The following HLCS variants were observed in gnomAD, a reference collection of about 807,000 sequenced individuals.
HLCS encodes the protein biotin--protein ligase.
HLCS carries 53 observed loss-of-function variants against 75.0 expected under a neutral mutation model. The observed-to-expected ratio is 0.71, with a 90% CI of 0.57 to 0.89. HLCS has a LOEUF of 0.89. Among genes scored for constraint, HLCS ranks in the 40% least tolerant of loss-of-function variants. HLCS has a pLI of 0.00. For missense variants in HLCS, 966 were observed against 1,074.0 expected (o/e 0.90, Z 1.41); for synonymous variants, 431 against 428.6 (o/e 1.01, Z -0.07).
chr21:36,907,342 T>G (rs535446330), intron 5 of HLCS, among the ~76,000 whole-genome samples: 1 of 152,270 alleles, frequency 6.6e-6, no homozygotes, highest in South Asian at 2.1e-4. Flanking sequence ...ATTAAGAATA[T>G]TAACAACTGC....
chr21:36,962,143 G>C lies in HLCS; in HGVS notation c.223C>G (p.Leu75Val). Residue 75 changes from leucine to valine, a missense_variant, in exon 2 of 11, where the codon CTA becomes GTA. Physicochemically the swap from Leu to Val is conservative, Grantham distance 32. Transcript: ENST00000674895. Reference protein sequence around the residue: ...QSIEDLNKWALFLVSPFILEA... With the variant: ...QSIEDLNKWAVFLVSPFILEA... Reference sequence around the variant, plus strand: ...AGTATAAAAGGAGACACAAGAAATAGGGCCCACTTGTTCAAGTCTTCAATG... The same window carrying C: ...AGTATAAAAGGAGACACAAGAAATACGGCCCACTTGTTCAAGTCTTCAATG... 4 of 1,288,664 alleles carry C rather than the reference G, an allele frequency of 3.1e-6. No homozygotes were observed. Among genetic ancestry groups the C allele is most frequent in the Non-Finnish European group, 4.0e-6 (4 of 987,948 alleles). 79.8% of individuals were successfully genotyped at this position (1,288,664 alleles called of 1,614,324 possible).
intron 7 of HLCS, among the ~76,000 whole-genome samples, chr21:36,766,065 G>A (rs745500491): frequency 6.6e-6 from 1 of 152,064 alleles, no homozygotes; most frequent in Non-Finnish European, 1.5e-5. Flanking sequence ...TTTGAGACAG[G>A]GTCTTGCTCT....
intron 6 of HLCS, among the ~76,000 whole-genome samples, chr21:36,771,001 C>T (rs8128357): frequency 0.12 from 18,527 of 151,906 alleles, 2,145 homozygotes; most frequent in African/African-American, 0.3. Context: ...AGGCGGATCA[C>T]GAGGTCAGGA....
chr21:36,916,840 T>C (rs2065954955), intron 5 of HLCS, among the ~76,000 whole-genome samples: 1 of 151,996 alleles, frequency 6.6e-6, no homozygotes, highest in Non-Finnish European at 1.5e-5. Flanking sequence ...ATAAAACAAA[T>C]ACTCCCCGGG....
Position 36,910,267 on chromosome 21 carries a change from G to A in HLCS, c.1621-13136C>T, listed in dbSNP as rs146570299. ...AATCAAAAGATGGCACTCCTGGGCC[G>A]GGCGCAGTGGCTAATGCCTGTAATC... On this transcript the variant is annotated intron_variant, in intron 5 of 10. Coordinates refer to ENST00000674895, the MANE Select transcript of HLCS (RefSeq NM_001352514.2). 7.4e-3 allele frequency among the ~76,000 whole-genome samples: 1,124 copies of A among 152,312 alleles called. 8 individuals are homozygous for A. The highest frequency in any genetic ancestry group is 0.013 in the Non-Finnish European group (876 of 68,026).
At position 36,752,160 on chromosome 21, in the gene HLCS, G is replaced by C. The variant is rs565293984; in HGVS notation, c.*2086C>G. 6.5e-6 allele frequency: 1 copy of C among 152,772 alleles called. No homozygotes were observed. Among genetic ancestry groups the C allele is most frequent in the South Asian group, 2.1e-4 (1 of 4,830 alleles). The allele number at this position is 152,772 out of a possible 1,614,324, so 9.5% of individuals were successfully genotyped here. A position where few individuals can be genotyped will look rare whatever the true frequency, so the allele number is the denominator to read the frequency against. ...TGGAAAACGCAGCATCTGCTTCAAG[G>C]CTGCTTCATCTCTCTCAGGACAACT... On this transcript the variant is annotated 3_prime_UTR_variant, in exon 11 of 11. Coordinates refer to ENST00000674895, the MANE Select transcript of HLCS (RefSeq NM_001352514.2).
At chr21:36,767,086 G>A in intron 7 of HLCS, 132 bp downstream of exon 7, 1 of 844,698 alleles carries the variant, frequency 1.2e-6, no homozygotes, top group African/African-American at 1.7e-5. Flanking sequence ...ATTCCAGGCG[G>A]TTATGAAAAC....
chr21:36,885,235 G>A (rs947604404), intron 6 of HLCS, among the ~76,000 whole-genome samples: 4 of 152,144 alleles, frequency 2.6e-5, no homozygotes, highest in Admixed American at 2.0e-4. Flanking sequence ...CACCAGGCAC[G>A]GTGGCTCATG....
intron 6 of HLCS, chr21:36,896,448 T>A (rs1221385977): frequency 3.7e-6 from 1 of 269,930 alleles, no homozygotes. Context: ...ACAGCTTAGG[T>A]GTCATTCAAA....
chr21:36,888,411 C>G (rs578039102), intron 6 of HLCS, among the ~76,000 whole-genome samples: 1 of 129,406 alleles, frequency 7.7e-6, no homozygotes, highest in South Asian at 2.6e-4. Context: ...CTCCCCAATG[C>G]GATCCTGCCC....
At chr21:36,813,300 G>A (rs570276370) in intron 6 of HLCS, among the ~76,000 whole-genome samples, 5 of 152,206 alleles carry the variant, frequency 3.3e-5, no homozygotes, top group East Asian at 3.9e-4. Flanking sequence ...TTTCTTCCAC[G>A]TCATAATTTC....
At chr21:36,754,526 G>C in intron 10 of HLCS, 109 bp from the exon 11 acceptor site, 1 of 1,142,158 alleles carries the variant, frequency 8.8e-7, no homozygotes, top group Non-Finnish European at 1.3e-6. Flanking sequence ...TGGGGAGAGG[G>C]CTGAGGCTCG....
intron 9 of HLCS, 89 bp from the exon 10 acceptor site, chr21:36,756,844 T>A (rs2089623383): frequency 6.2e-7 from 1 of 1,604,262 alleles, no homozygotes; most frequent in East Asian, 2.2e-5. Context: ...CAGTCTTGAC[T>A]GTCAACTTCC....
intron 6 of HLCS, among the ~76,000 whole-genome samples, chr21:36,877,789 A>G (rs551179206): frequency 1.3e-5 from 2 of 152,112 alleles, no homozygotes; most frequent in Non-Finnish European, 2.9e-5. Flanking sequence ...ACATTATCTT[A>G]GTGTTCTTTT....
intron 2 of HLCS, among the ~76,000 whole-genome samples, chr21:36,941,168 T>C (rs557338384): frequency 6.6e-6 from 1 of 152,258 alleles, no homozygotes; most frequent in African/African-American, 2.4e-5. Context: ...GCCGAGATCA[T>C]GCCATTGCAC....
rs201069938 is a variant in HLCS at position 36,756,563 on chromosome 21, T to C, written c.2429A>G (p.Tyr810Cys). 6.3e-7 allele frequency: 1 copy of C among 1,577,502 alleles called. No individual in the cohort carries two copies. Among genetic ancestry groups the C allele is most frequent in the East Asian group, 2.4e-5 (1 of 41,526 alleles). ...TGACCTGTGGACCCAGTATCGGTAA[T>C]AAAGGGGAAGGACGCTGTTGGGCCC... ...DKGPNSVLPL[Y>C]YRYWVHSGQQ... Residue 810 changes from tyrosine to cysteine, a missense_variant, in exon 10 of 11, where the codon TAT becomes TGT. Physicochemically the swap from Tyr to Cys is radical, Grantham distance 194 (BLOSUM62 -2). Transcript: ENST00000674895.
intron 6 of HLCS, among the ~76,000 whole-genome samples, chr21:36,865,776 C>T (rs563914409): frequency 6.6e-6 from 1 of 152,214 alleles, no homozygotes; most frequent in African/African-American, 2.4e-5. Flanking sequence ...CTTTATATAA[C>T]ATCAGCTACC....
intron 5 of HLCS, among the ~76,000 whole-genome samples, chr21:36,926,057 G>A (rs2066393686): frequency 6.6e-6 from 1 of 152,198 alleles, no homozygotes; most frequent in African/African-American, 2.4e-5. Context: ...GGAAGATGTG[G>A]TGGCCACCAG....
At chr21:36,838,779 C>T (rs141797075) in intron 6 of HLCS, among the ~76,000 whole-genome samples, 37 of 151,118 alleles carry the variant, frequency 2.4e-4, no homozygotes, top group African/African-American at 7.8e-4. Flanking sequence ...CACATGAAGA[C>T]GGGGGTAGAG....
Sources: allele counts gnomAD v4.1 joint callset (sites outside exome capture counted in the v4.1 genomes callset), GRCh38; gene constraint gnomAD v4.1.1; transcripts MANE v1.5; gene names NCBI Gene and HGNC (gene_info 2026-07-23, HGNC 2026-07-21).